The following ENAH variants were observed in gnomAD, a reference collection of about 807,000 sequenced individuals.
ENAH encodes ENAH actin regulator, also known as protein enabled homolog.
Under a neutral mutation model 78.7 loss-of-function variants are expected in ENAH, and 23 were observed. The ratio of observed to expected loss-of-function variants is 0.29; its 90% CI spans 0.21 to 0.41. The LOEUF (loss-of-function observed/expected upper bound fraction) is 0.41. ENAH is among the 10% of genes least tolerant of loss of function. The pLI is 1.00. For synonymous variants in ENAH, 226 were observed against 241.0 expected (o/e 0.94, Z 0.58); for missense variants, 544 against 691.0 (o/e 0.79, Z 2.39).
chr1:225,513,051 T>C, intron 7 of ENAH, 35 bp from the exon 8 acceptor site: 3 of 1,534,740 alleles, frequency 2.0e-6, no homozygotes, highest in Non-Finnish European at 2.6e-6. Context: ...TCAACTCCTA[T>C]GTTAGACAAC....
chr1:225,568,757 A>T (rs2096747125), intron 1 of ENAH, among the ~76,000 whole-genome samples: 1 of 152,242 alleles, frequency 6.6e-6, no homozygotes, highest in South Asian at 2.1e-4. Context: ...ACTTTGCAGG[A>T]GATGGCATGT....
intron 3 of ENAH, among the ~76,000 whole-genome samples, chr1:225,543,600 T>C (rs2096599606): frequency 6.6e-6 from 1 of 152,214 alleles, no homozygotes; most frequent in African/African-American, 2.4e-5. Flanking sequence ...GCCTTGTGGA[T>C]ATTTTTGACC....
At chr1:225,587,999 C>T (rs2096855782) in intron 1 of ENAH, among the ~76,000 whole-genome samples, 1 of 152,040 alleles carries the variant, frequency 6.6e-6, no homozygotes, top group African/African-American at 2.4e-5. Context: ...TCGATTTAAA[C>T]CTAAAAGCTA....
intron 1 of ENAH, among the ~76,000 whole-genome samples, chr1:225,651,532 A>G (rs1663007966): frequency 6.6e-6 from 1 of 152,238 alleles, no homozygotes. Flanking sequence ...TACATTATAA[A>G]GGTCTTAGCA....
intron 1 of ENAH, among the ~76,000 whole-genome samples, chr1:225,611,771 A>T (rs1352672580): frequency 2.0e-5 from 3 of 152,202 alleles, no homozygotes; most frequent in Non-Finnish European, 4.4e-5. Context: ...CAGGTGACAG[A>T]GTGAGAAAAA....
chr1:225,645,932 C>CA (rs1048017138), intron 1 of ENAH, among the ~76,000 whole-genome samples: 69 of 152,242 alleles, frequency 4.5e-4, no homozygotes, highest in African/African-American at 1.6e-3. Context: ...GCCTCATACC[C>CA]AAAGTAGTCT....
chr1:225,601,834 G>A (rs1283718110), intron 1 of ENAH, among the ~76,000 whole-genome samples: 1 of 151,080 alleles, frequency 6.6e-6, no homozygotes. Context: ...TAAAAATCAG[G>A]AAACATTTAG....
chr1:225,501,836 T>C (rs1417771040), intron 11 of ENAH, among the ~76,000 whole-genome samples: 1 of 152,180 alleles, frequency 6.6e-6, no homozygotes, highest in East Asian at 1.9e-4. Flanking sequence ...TAATTCTTAA[T>C]AAGTCAATGA....
At chr1:225,635,076 G>A (rs1216786044) in intron 1 of ENAH, among the ~76,000 whole-genome samples, 2 of 152,114 alleles carry the variant, frequency 1.3e-5, no homozygotes, top group East Asian at 3.8e-4. Context: ...AATTTATGAA[G>A]ACAAAGTCTT....
At chr1:225,542,328 A>G (rs1267795803) in intron 3 of ENAH, among the ~76,000 whole-genome samples, 1 of 152,254 alleles carries the variant, frequency 6.6e-6, no homozygotes, top group Non-Finnish European at 1.5e-5. Flanking sequence ...GAGAGAAGGC[A>G]TACAGTGGCT....
chr1:225,547,386 A>G (rs529841887), intron 3 of ENAH, among the ~76,000 whole-genome samples: 106 of 152,246 alleles, frequency 7.0e-4, no homozygotes, highest in Non-Finnish European at 1.2e-3. Context: ...TCTATTATTA[A>G]CATATGAGAA....
At chr1:225,548,234 T>G (rs890724364) in intron 3 of ENAH, among the ~76,000 whole-genome samples, 1 of 148,364 alleles carries the variant, frequency 6.7e-6, no homozygotes, top group Non-Finnish European at 1.5e-5. Flanking sequence ...GACATTAGCA[T>G]TCAAAATAAC....
chr1:225,649,234 C>T (rs1486077713), intron 1 of ENAH, among the ~76,000 whole-genome samples: 1 of 152,144 alleles, frequency 6.6e-6, no homozygotes, highest in Non-Finnish European at 1.5e-5. Flanking sequence ...GACAAATCCT[C>T]ATAACCCTAC....
chr1:225,561,619 T>TTAAAATAAAATTAAAATAAAA (rs1553439583), intron 2 of ENAH, among the ~76,000 whole-genome samples: 2 of 125,810 alleles, frequency 1.6e-5, no homozygotes, highest in African/African-American at 6.1e-5. Context: ...AGATTCCGTC[T>TTAAAATAAAATTAAAATAAAA]TAAAATAAAA....
chr1:225,621,296 C>CTTT (rs757480714), intron 1 of ENAH, among the ~76,000 whole-genome samples: 1 of 142,762 alleles, frequency 7.0e-6, no homozygotes, highest in African/African-American at 2.5e-5. Flanking sequence ...ATCTATCTCT[C>CTTT]TTTTTTTTTT....
chr1:225,544,046 G>A (rs1397996497), intron 3 of ENAH, among the ~76,000 whole-genome samples: 1 of 152,194 alleles, frequency 6.6e-6, no homozygotes, highest in Non-Finnish European at 1.5e-5. Context: ...AACAGGTTTG[G>A]CTGCTGCTGT....
chr1:225,642,957 T>C (rs949980587), intron 1 of ENAH, among the ~76,000 whole-genome samples: 1 of 152,210 alleles, frequency 6.6e-6, no homozygotes, highest in African/African-American at 2.4e-5. Flanking sequence ...CTGGCCAGAA[T>C]GTGGGGTAAC....
intron 1 of ENAH, among the ~76,000 whole-genome samples, chr1:225,611,363 G>A (rs181248600): frequency 2.0e-5 from 3 of 152,158 alleles, no homozygotes; most frequent in Admixed American, 6.5e-5. Flanking sequence ...CTGTTGCCCA[G>A]GCTGGGGTGC....
intron 5 of ENAH, chr1:225,517,681 G>A: frequency 6.4e-7 from 1 of 1,551,118 alleles, no homozygotes; most frequent in Non-Finnish European, 8.7e-7. Flanking sequence ...AGGCTGAGAA[G>A]AGGGTGTGTT....
Sources: allele counts gnomAD v4.1 joint callset (sites outside exome capture counted in the v4.1 genomes callset), GRCh38; gene constraint gnomAD v4.1.1; transcripts MANE v1.5; gene names NCBI Gene and HGNC (gene_info 2026-07-23, HGNC 2026-07-21).